The following LIMS1 variants were observed in gnomAD, a reference collection of about 807,000 sequenced individuals.
LIMS1 encodes LIM and senescent cell antigen-like-containing domain protein 1.
Under a neutral mutation model 44.1 loss-of-function variants are expected in LIMS1, and 18 were observed. The ratio of observed to expected loss-of-function variants is 0.41; its 90% CI spans 0.28 to 0.61. The LOEUF is 0.61. LIMS1 is among the 20% of genes least tolerant of loss of function. The pLI is 0.32. For synonymous variants in LIMS1, 93 were observed against 149.1 expected (o/e 0.62, Z 2.74); for missense variants, 201 against 422.0 (o/e 0.48, Z 4.59).
chr2:108,605,770 CCAA>C (rs1270687424), intron 1 of LIMS1, among the ~76,000 whole-genome samples: 22 of 152,118 alleles, frequency 1.4e-4, no homozygotes, highest in African/African-American at 5.1e-4. Flanking sequence ...AGTGAGGGAC[CCAA>C]GAGCAACTTG....
At chr2:108,564,950 C>T (rs1053917528) in intron 1 of LIMS1, among the ~76,000 whole-genome samples, 2 of 151,568 alleles carry the variant, frequency 1.3e-5, no homozygotes, top group Non-Finnish European at 2.9e-5. Flanking sequence ...AAAGGGCCAG[C>T]GCTCTGCCCT....
chr2:108,603,144 T>G (rs1687098323), intron 1 of LIMS1, among the ~76,000 whole-genome samples: 1 of 152,308 alleles, frequency 6.6e-6, no homozygotes, highest in Non-Finnish European at 1.5e-5. Flanking sequence ...AACACTGGCC[T>G]TGTAGAATGA....
At chr2:108,542,146 T>G (rs1684337185) in intron 1 of LIMS1, among the ~76,000 whole-genome samples, 1 of 152,218 alleles carries the variant, frequency 6.6e-6, no homozygotes, top group Non-Finnish European at 1.5e-5. Context: ...CACAAAACTT[T>G]GAGTAAAACA....
intron 1 of LIMS1, among the ~76,000 whole-genome samples, chr2:108,583,721 G>T (rs1685984965): frequency 1.8e-5 from 1 of 56,270 alleles, no homozygotes. Flanking sequence ...TTTTGAGATG[G>T]AGTCTTACTC....
chr2:108,536,640 G>A (rs984418519), intron 1 of LIMS1, among the ~76,000 whole-genome samples: 3 of 152,178 alleles, frequency 2.0e-5, no homozygotes, highest in African/African-American at 7.2e-5. Context: ...GAATGCAGTA[G>A]CATGATCATG....
intron 1 of LIMS1, among the ~76,000 whole-genome samples, chr2:108,600,048 G>A (rs569347048): frequency 2.0e-5 from 3 of 151,178 alleles, no homozygotes; most frequent in African/African-American, 7.3e-5. Flanking sequence ...TTTTGTTGTT[G>A]TTGTTGTTGT....
chr2:108,662,679 T>A, intron 2 of LIMS1: 1 of 941,764 alleles, frequency 1.1e-6, no homozygotes, highest in South Asian at 3.5e-5. Flanking sequence ...TCACTTTCAG[T>A]TATATCCAGC....
At chr2:108,642,420 C>T (rs1466607807) in intron 1 of LIMS1, among the ~76,000 whole-genome samples, 11 of 131,956 alleles carry the variant, frequency 8.3e-5, no homozygotes, top group Non-Finnish European at 1.7e-4. Flanking sequence ...AGTGCAGTGG[C>T]GCGATCTCGG....
chr2:108,604,471 T>C (rs1165451698), intron 1 of LIMS1, among the ~76,000 whole-genome samples: 1 of 152,230 alleles, frequency 6.6e-6, no homozygotes, highest in Non-Finnish European at 1.5e-5. Context: ...AGAGGAGTTG[T>C]AGCAATTTTT....
chr2:108,662,500 C>T (rs1691448812), intron 2 of LIMS1: 1 of 1,341,510 alleles, frequency 7.5e-7, no homozygotes, highest in African/African-American at 1.5e-5. Context: ...TGGGCTGTTG[C>T]CCAGTTCAAG....
intron 1 of LIMS1, among the ~76,000 whole-genome samples, chr2:108,557,208 G>T (rs1479519986): frequency 6.6e-6 from 1 of 152,072 alleles, no homozygotes; most frequent in East Asian, 1.9e-4. Flanking sequence ...CTCCTGAGTA[G>T]CTGGGACCAC....
intron 1 of LIMS1, among the ~76,000 whole-genome samples, chr2:108,567,737 A>AT (rs1685343208): frequency 6.6e-6 from 1 of 152,044 alleles, no homozygotes; most frequent in Non-Finnish European, 1.5e-5. Flanking sequence ...ATGCCTGGCT[A>AT]ATTTTTGTAT....
chr2:108,564,474 T>G lies in LIMS1; in HGVS notation c.32+29880T>G, dbSNP rs577030001. On this transcript the variant is annotated intron_variant, in intron 1 of 9. Coordinates refer to ENST00000544547, the Ensembl canonical transcript of LIMS1. Reference sequence around the variant, plus strand: ...GCCTGTATAGAGATAGATAAAGAGATAGACTTATTTTGAGGAATAGGCTTG... The same window carrying G: ...GCCTGTATAGAGATAGATAAAGAGAGAGACTTATTTTGAGGAATAGGCTTG... 9.9e-5 allele frequency among the ~76,000 whole-genome samples: 15 copies of G among 152,254 alleles called. No homozygotes were observed. The South Asian group carries it at 2.3e-3, about 23-fold the overall frequency.
chr2:108,585,477 A>G (rs1408148845), intron 1 of LIMS1, among the ~76,000 whole-genome samples: 1 of 152,132 alleles, frequency 6.6e-6, no homozygotes, highest in Admixed American at 6.5e-5. Context: ...GCCTGTGACG[A>G]TATCTGTATG....
chr2:108,582,584 A>G lies in LIMS1; in HGVS notation c.32+47990A>G, dbSNP rs576205937. Reference sequence around the variant, plus strand: ...AGGAGTTCGAGACCAGCCTGGCCACATGTTGAAACCCCATTTCTACTAAAA... The same window carrying G: ...AGGAGTTCGAGACCAGCCTGGCCACGTGTTGAAACCCCATTTCTACTAAAA... On this transcript the variant is annotated intron_variant, in intron 1 of 9. Coordinates refer to ENST00000544547, the Ensembl canonical transcript of LIMS1. Among the ~76,000 whole-genome samples, 254 of 152,242 alleles carry G rather than the reference A, an allele frequency of 1.7e-3. 2 individuals are homozygous for G. Among genetic ancestry groups the G allele is most frequent in the African/African-American group, 5.8e-3 (242 of 41,542 alleles).
chr2:108,534,474 G>T (rs1684044580), exon 1 of LIMS1: 1 of 1,061,406 alleles, frequency 9.4e-7, no homozygotes, highest in Non-Finnish European at 1.2e-6. Context: ...CCCGCCAGTA[G>T]CCGGCCGCGG....
At chr2:108,572,473 C>T (rs937822892) in intron 1 of LIMS1, among the ~76,000 whole-genome samples, 1 of 150,006 alleles carries the variant, frequency 6.7e-6, no homozygotes, top group Admixed American at 6.7e-5. Flanking sequence ...ACCTCTGCCT[C>T]CCAGATTCAT....
intron 1 of LIMS1, among the ~76,000 whole-genome samples, chr2:108,578,585 T>C (rs889060532): frequency 5.1e-5 from 7 of 138,318 alleles, no homozygotes; most frequent in Admixed American, 8.0e-5. Context: ...GGAATGTAAA[T>C]AATTTTTTTT....
At chr2:108,586,038 A>G (rs1686087927) in intron 1 of LIMS1, among the ~76,000 whole-genome samples, 1 of 152,074 alleles carries the variant, frequency 6.6e-6, no homozygotes, top group Non-Finnish European at 1.5e-5. Flanking sequence ...TAAAAATACA[A>G]AAAATTAGCC....
Sources: allele counts gnomAD v4.1 joint callset (sites outside exome capture counted in the v4.1 genomes callset), GRCh38; gene constraint gnomAD v4.1.1; transcripts MANE v1.5; gene names NCBI Gene and HGNC (gene_info 2026-07-23, HGNC 2026-07-21).